The following AJAP1 variants were observed in gnomAD, a reference collection of about 807,000 sequenced individuals.
AJAP1 encodes adherens junctions associated protein 1.
In AJAP1, 5 loss-of-function variants were observed where a neutral mutation model predicts 35.0. That is an observed-to-expected ratio of 0.14 (90% CI 0.07 to 0.30). The LOEUF (loss-of-function observed/expected upper bound fraction) is 0.30. Ranked by LOEUF, AJAP1 falls within the 10% of genes least tolerant of loss-of-function variation. The pLI is 1.00. For synonymous variants in AJAP1, 284 were observed against 249.3 expected (o/e 1.14, Z -1.31); for missense variants, 586 against 571.0 (o/e 1.03, Z -0.27).
rs2100267371 is a variant in AJAP1 at position 4,712,427 on chromosome 1, C to CG, written c.562dup (p.Asp188GlyfsTer47). 6.2e-7 allele frequency: 1 copy of CG among 1,602,506 alleles called. No individual in the cohort carries two copies. Among genetic ancestry groups the CG allele is most frequent in the Non-Finnish European group, 8.5e-7 (1 of 1,174,810 alleles). The stretch of plus-strand genomic sequence containing the variant: ...ACTGAGTTCATCGCCTGGGGGCCCA[C>CG]GGGGGACGAGGAGGCCCTGGAGTCC... On this transcript the variant is annotated frameshift_variant, in exon 2 of 6. Transcript: ENST00000378191. LOFTEE classifies it high-confidence loss of function.
intron 2 of AJAP1, among the ~76,000 whole-genome samples, chr1:4,735,351 C>T (rs937368374): frequency 2.0e-5 from 3 of 152,122 alleles, no homozygotes; most frequent in East Asian, 1.9e-4. Context: ...AGGGAGGGTG[C>T]GATGTGCATC....
Position 4,692,315 on chromosome 1 carries a change from T to C in AJAP1, c.30-19585T>C, listed in dbSNP as rs1034426692. ...CACCCCGCGCCCTGGGCTGCTCTCCTCTCTCCGTCTCTGGGCCCCTCATGC... is the reference window on the plus strand; with the variant it reads ...CACCCCGCGCCCTGGGCTGCTCTCCCCTCTCCGTCTCTGGGCCCCTCATGC... On this transcript the variant is annotated intron_variant, in intron 1 of 5. Coordinates refer to ENST00000378191, the MANE Select transcript of AJAP1 (RefSeq NM_018836.4). The surrounding 1 kb of genome is among the most constrained non-coding windows in gnomAD (Gnocchi z 4.4). Among the ~76,000 whole-genome samples, 2 of 152,096 alleles carry C rather than the reference T, an allele frequency of 1.3e-5. No individual in the cohort carries two copies. Among genetic ancestry groups the C allele is most frequent in the Admixed American group, 6.5e-5 (1 of 15,280 alleles).
intron 2 of AJAP1, 133 bp downstream of exon 2, chr1:4,712,832 A>G: frequency 3.2e-6 from 3 of 938,408 alleles, no homozygotes; most frequent in Non-Finnish European, 3.0e-6. Context: ...TGATGTGTCC[A>G]TGAGCTTGCA....
rs1338719609 is a variant in AJAP1 at position 4,783,743 on chromosome 1, T to G, written c.*1258T>G. 1 of 151,894 alleles carries G rather than the reference T, an allele frequency of 6.6e-6. No homozygotes were observed. Among genetic ancestry groups the G allele is most frequent in the Non-Finnish European group, 1.5e-5 (1 of 67,992 alleles). 9.4% of individuals were successfully genotyped at this position (151,894 alleles called of 1,614,324 possible). A position where few individuals can be genotyped will look rare whatever the true frequency, so the allele number is the denominator to read the frequency against. ...ACGTGTGTGTCATACAAGCATAGAC[T>G]GGATTAAAGAAGTTTTCCAGTTCCA... On this transcript the variant is annotated 3_prime_UTR_variant, in exon 6 of 6. Transcript: ENST00000378191.
chr1:4,656,700 C>G lies in AJAP1; in HGVS notation c.29+1246C>G, dbSNP rs1638889297. Among the ~76,000 whole-genome samples, 1 of 152,172 alleles carries G rather than the reference C, an allele frequency of 6.6e-6. No individual in the cohort carries two copies. The highest frequency in any genetic ancestry group is 6.5e-5 in the Admixed American group (1 of 15,286). On this transcript the variant is annotated intron_variant, in intron 1 of 5. Transcript: ENST00000378191. The surrounding 1 kb of genome is among the most constrained non-coding windows in gnomAD (Gnocchi z 5.7). ...CAGAGGTGAATACTGTGTAACACATCTAGTGAACATTGTCAGATGTTATTA... is the reference window on the plus strand; with the variant it reads ...CAGAGGTGAATACTGTGTAACACATGTAGTGAACATTGTCAGATGTTATTA...
chr1:4,735,215 A>C (rs955706766), intron 2 of AJAP1, among the ~76,000 whole-genome samples: 9 of 152,368 alleles, frequency 5.9e-5, no homozygotes, highest in African/African-American at 1.7e-4. Context: ...AGAAGAAGAC[A>C]AGAAAAGCAT....
Position 4,785,431 on chromosome 1 carries a change from T to C in AJAP1, c.*2946T>C, listed in dbSNP as rs1642145481. 6.6e-6 allele frequency: 1 copy of C among 152,214 alleles called. No individual in the cohort carries two copies. The highest frequency in any genetic ancestry group is 1.5e-5 in the Non-Finnish European group (1 of 68,054). 9.4% of individuals were successfully genotyped at this position (152,214 alleles called of 1,614,324 possible). ...GTGTTACTTTACTTTTTTAAATGGT[T>C]ACCTGCTCTCCCAGACCCCTCACCT... is the stretch of plus-strand genomic sequence containing the variant. On this transcript the variant is annotated 3_prime_UTR_variant, in exon 6 of 6. Transcript: ENST00000378191.
intron 2 of AJAP1, among the ~76,000 whole-genome samples, chr1:4,765,115 C>G (rs1459455786): frequency 6.6e-6 from 1 of 152,140 alleles, no homozygotes; most frequent in Non-Finnish European, 1.5e-5. Flanking sequence ...AGAAAAAGCC[C>G]CCAAATTAGC....
chr1:4,712,465 GGC>G lies in AJAP1; in HGVS notation c.597_598del (p.Val200LeufsTer34), dbSNP rs1379506519. The G allele has an allele frequency of 6.2e-7, 1 of 1,611,084 alleles. No homozygotes were observed. Among genetic ancestry groups the G allele is most frequent in the African/African-American group, 1.3e-5 (1 of 74,846 alleles). ...GGCCCTGGAGTCCAACACATTTCCG[GGC>G]GTTTACGGCCCCACCACGGTCTCCA... ...EEALESNTFP[G>X]VYGPTTVSIL... On this transcript the variant is annotated frameshift_variant, in exon 2 of 6. Transcript: ENST00000378191. LOFTEE classifies it high-confidence loss of function.
At chr1:4,679,521 A>G (rs1292215840) in intron 1 of AJAP1, among the ~76,000 whole-genome samples, 1 of 152,196 alleles carries the variant, frequency 6.6e-6, no homozygotes, top group African/African-American at 2.4e-5. Flanking sequence ...TGGATGGCTT[A>G]AAATGATAGA....
chr1:4,740,558 G>C (rs2100315143), intron 2 of AJAP1, among the ~76,000 whole-genome samples: 1 of 152,020 alleles, frequency 6.6e-6, no homozygotes, highest in Non-Finnish European at 1.5e-5. Context: ...GGCCGAGGCG[G>C]GCAGATCACA....
At chr1:4,727,286 C>T (rs1255372845) in intron 2 of AJAP1, among the ~76,000 whole-genome samples, 1 of 152,186 alleles carries the variant, frequency 6.6e-6, no homozygotes, top group Non-Finnish European at 1.5e-5. Context: ...TCTGTCCCCT[C>T]GGGATCCCAG....
chr1:4,718,799 G>A (rs1375525585), intron 2 of AJAP1, among the ~76,000 whole-genome samples: 1 of 152,082 alleles, frequency 6.6e-6, no homozygotes, highest in African/African-American at 2.4e-5. Flanking sequence ...CACTTTCTGT[G>A]GGAGAGCTGC....
At chr1:4,657,038 C>A (rs557200770) in intron 1 of AJAP1, among the ~76,000 whole-genome samples, 25 of 152,308 alleles carry the variant, frequency 1.6e-4, no homozygotes, top group African/African-American at 4.6e-4. Context: ...AGTGGCTGGT[C>A]TTCAGCTCCG....
intron 2 of AJAP1, among the ~76,000 whole-genome samples, chr1:4,762,182 A>G (rs1343787709): frequency 1.3e-5 from 2 of 152,224 alleles, no homozygotes; most frequent in South Asian, 2.1e-4. Flanking sequence ...GAGGGGCTGA[A>G]GCCTGGAGCA....
chr1:4,666,808 G>A (rs539519215), intron 1 of AJAP1, among the ~76,000 whole-genome samples: 1 of 148,842 alleles, frequency 6.7e-6, no homozygotes, highest in Admixed American at 6.7e-5. Flanking sequence ...AAGGGTTGCG[G>A]AGAGGGGCCC....
Position 4,660,349 on chromosome 1 carries a change from G to T in AJAP1, c.29+4895G>T, listed in dbSNP as rs540289529. 6.1e-3 allele frequency among the ~76,000 whole-genome samples: 923 copies of T among 152,246 alleles called. 5 individuals are homozygous for T. Among genetic ancestry groups the T allele is most frequent in the Non-Finnish European group, 8.7e-3 (594 of 68,010 alleles). ...GGGGAACGGAAGGAAAGAGGGTGTG[G>T]TTACAAAAGGGCAACATCAGGCCTC... On this transcript the variant is annotated intron_variant, in intron 1 of 5. Transcript: ENST00000378191.
At chr1:4,728,566 C>G (rs1260539575) in intron 2 of AJAP1, among the ~76,000 whole-genome samples, 1 of 152,164 alleles carries the variant, frequency 6.6e-6, no homozygotes, top group Non-Finnish European at 1.5e-5. Context: ...GCCGTGGGGG[C>G]CTGGCCTGCT....
chr1:4,780,304 C>T (rs541174235), intron 5 of AJAP1, among the ~76,000 whole-genome samples: 4 of 152,032 alleles, frequency 2.6e-5, no homozygotes, highest in African/African-American at 9.6e-5. Flanking sequence ...CTCCCCGTCT[C>T]CCCCCATCCC....
Sources: allele counts gnomAD v4.1 joint callset (sites outside exome capture counted in the v4.1 genomes callset), GRCh38; gene constraint gnomAD v4.1.1; non-coding constraint Gnocchi (gnomAD v3.1); transcripts MANE v1.5; gene names NCBI Gene and HGNC (gene_info 2026-07-23, HGNC 2026-07-21).